CEP83: variants seen among roughly 807,000 people sequenced by gnomAD.
CEP83 encodes the protein centrosomal protein of 83 kDa.
Under a neutral mutation model 101.9 loss-of-function variants are expected in CEP83, and 70 were observed. The ratio of observed to expected loss-of-function variants is 0.69; its 90% CI spans 0.57 to 0.84. The LOEUF (loss-of-function observed/expected upper bound fraction) is 0.84. Ranked by LOEUF, CEP83 falls within the 40% of genes least tolerant of loss-of-function variation. CEP83 has a pLI of 0.00. For synonymous variants in CEP83, 264 were observed against 267.9 expected, an observed-to-expected ratio of 0.99 and a Z score of 0.14; for missense variants, 715 against 787.2, an observed-to-expected ratio of 0.91 and a Z score of 1.10.
Position 94,411,758 on chromosome 12 carries a change from A to G in CEP83, c.263T>C (p.Leu88Pro), listed in dbSNP as rs2063896707. ...TACTAATTCTCCTCTTAGTTCTTCA[A>G]GCAGGAGCTGAAGTTTTTCCTGCTG... The part of the protein sequence containing the change: ...QTQQEKLQLL[L>P]EELRGELVEK... The change falls in exon 4 of 17, where the codon CTT (leucine) becomes CCT (proline). Residue 88 changes from leucine (L) to proline (P), a missense_variant. By Grantham distance (98) the Leu-to-Pro change is moderately conservative. Transcript: ENST00000397809. The G allele has an allele frequency of 3.1e-6, 5 of 1,611,856 alleles. No homozygotes were observed. The highest frequency in any genetic ancestry group is 1.3e-5 in the African/African-American group (1 of 74,860).
At chr12:94,422,555 C>T (rs902827269) in intron 2 of CEP83, among the ~76,000 whole-genome samples, 35 of 152,256 alleles carry the variant, frequency 2.3e-4, no homozygotes, top group African/African-American at 8.2e-4. Context: ...TCAAGAAAGC[C>T]TCAATTTCAT....
chr12:94,283,660 T>G, the CEP83 span, among the ~76,000 whole-genome samples: 1 of 152,124 alleles, frequency 6.6e-6, no homozygotes, highest in Non-Finnish European at 1.5e-5. Context: ...GGAGTGCTGA[T>G]TGGTCAGGTC....
At position 94,396,671 on chromosome 12, in the gene CEP83, A is replaced by T. The variant is rs1362041185; in HGVS notation, c.549+4179T>A. On this transcript the variant is annotated intron_variant, in intron 6 of 16. Coordinates refer to ENST00000397809, the MANE Select transcript of CEP83 (RefSeq NM_016122.3). ...TTTTTAGTTTATAATATCATCAGGGACATGTGTATTCCTGGAGTCCCTCTC... is the reference window on the plus strand; with the variant it reads ...TTTTTAGTTTATAATATCATCAGGGTCATGTGTATTCCTGGAGTCCCTCTC... 4.6e-5 allele frequency among the ~76,000 whole-genome samples: 7 copies of T among 152,158 alleles called. No individual in the cohort carries two copies. The East Asian group carries it at 1.3e-3, about 29-fold the overall frequency.
In CEP83 at chr12:94,309,994, G is replaced by A. The variant is rs1174126103; in HGVS notation, c.1925C>T (p.Ala642Val). The change falls in exon 16 of 17, where the codon GCA (alanine) becomes GTA (valine). Residue 642 changes from alanine to valine, a missense_variant. Coordinates refer to ENST00000397809, the MANE Select transcript of CEP83 (RefSeq NM_016122.3). ...LILVPNMPPT[A>V]SINPVSFQSS... Reference sequence around the variant, plus strand: ...CTGAAAGCTAACAGGATTGATAGATGCTGTTGGAGGCATGTTAGGAACCAA... The same window carrying A: ...CTGAAAGCTAACAGGATTGATAGATACTGTTGGAGGCATGTTAGGAACCAA... 1.9e-6 allele frequency: 3 copies of A among 1,611,092 alleles called. No individual in the cohort carries two copies. Among genetic ancestry groups the A allele is most frequent in the Admixed American group, 1.7e-5 (1 of 59,944 alleles).
At chr12:94,397,907 T>C (rs1439900026) in intron 6 of CEP83, among the ~76,000 whole-genome samples, 1 of 152,228 alleles carries the variant, frequency 6.6e-6, no homozygotes, top group Non-Finnish European at 1.5e-5. Flanking sequence ...TTTAACAAAA[T>C]TGCAGTTGCT....
intron 1 of CEP83, among the ~76,000 whole-genome samples, chr12:94,457,013 G>A (rs1220642029): frequency 6.6e-6 from 1 of 152,100 alleles, no homozygotes; most frequent in African/African-American, 2.4e-5. Context: ...TATGTATGAG[G>A]TCATGGTGGA....
chr12:94,328,727 A>G (rs1419828717), intron 14 of CEP83, among the ~76,000 whole-genome samples: 1 of 152,222 alleles, frequency 6.6e-6, no homozygotes, highest in Admixed American at 6.5e-5. Context: ...CATATGGACC[A>G]TAGCTATATT....
At chr12:94,441,686 C>A (rs1016632248) in intron 1 of CEP83, among the ~76,000 whole-genome samples, 1 of 152,036 alleles carries the variant, frequency 6.6e-6, no homozygotes, top group Non-Finnish European at 1.5e-5. Flanking sequence ...GAGGCCGAGG[C>A]GGGTGGATCA....
downstream of CEP83, among the ~76,000 whole-genome samples, chr12:94,302,070 GTC>G (rs1303399599): frequency 6.6e-6 from 1 of 151,996 alleles, no homozygotes; most frequent in Admixed American, 6.6e-5. Flanking sequence ...CCTTTTCACT[GTC>G]TCTCAGGTAA....
chr12:94,456,382 T>C (rs2067681514), intron 1 of CEP83, among the ~76,000 whole-genome samples: 1 of 152,224 alleles, frequency 6.6e-6, no homozygotes, highest in Non-Finnish European at 1.5e-5. Context: ...TCAACAACCT[T>C]ACTTTCATGA....
intron 11 of CEP83, among the ~76,000 whole-genome samples, chr12:94,353,065 C>G (rs1019135401): frequency 6.6e-6 from 1 of 151,976 alleles, no homozygotes; most frequent in Non-Finnish European, 1.5e-5. Context: ...CATCAAAAAT[C>G]AAATCAAAGA....
At chr12:94,380,172 AG>A (rs1317230303) in intron 6 of CEP83, among the ~76,000 whole-genome samples, 1 of 152,070 alleles carries the variant, frequency 6.6e-6, no homozygotes, top group Non-Finnish European at 1.5e-5. Flanking sequence ...GTTTGATCAC[AG>A]CACTATCAAT....
the CEP83 span, among the ~76,000 whole-genome samples, chr12:94,289,174 G>A: frequency 2.0e-3 from 309 of 152,110 alleles, 1 homozygote; most frequent in Non-Finnish European, 3.5e-3. Flanking sequence ...ACCTTCACTT[G>A]CAAGTGGTTT....
At chr12:94,427,381 G>A (rs922647909) in intron 2 of CEP83, among the ~76,000 whole-genome samples, 6 of 152,224 alleles carry the variant, frequency 3.9e-5, no homozygotes, top group Non-Finnish European at 8.8e-5. Flanking sequence ...TAGTCTCAGT[G>A]AAAGGCAGTT....
At chr12:94,341,009 T>C (rs1342404913) in intron 11 of CEP83, among the ~76,000 whole-genome samples, 1 of 152,258 alleles carries the variant, frequency 6.6e-6, no homozygotes, top group Non-Finnish European at 1.5e-5. Flanking sequence ...TCCCTTTTGT[T>C]TGCTTGCATT....
At chr12:94,317,848 T>C (rs541818499) in intron 14 of CEP83, among the ~76,000 whole-genome samples, 1 of 152,302 alleles carries the variant, frequency 6.6e-6, no homozygotes, top group Admixed American at 6.5e-5. Context: ...TCAGGTAGCA[T>C]GATGACTCCA....
the CEP83 span, chr12:94,280,155 G>GT: frequency 4.2e-6 from 1 of 238,114 alleles, no homozygotes; most frequent in South Asian, 5.1e-5. Flanking sequence ...TCCTCCCTCA[G>GT]TGTGCAGCAG....
At chr12:94,368,478 G>A (rs930225392) in intron 9 of CEP83, 12 of 265,764 alleles carry the variant, frequency 4.5e-5, no homozygotes, top group African/African-American at 2.7e-4. Flanking sequence ...TTCGAACATT[G>A]AGAGTTGAGA....
chr12:94,440,887 G>A (rs1477510370), intron 1 of CEP83, among the ~76,000 whole-genome samples: 1 of 152,094 alleles, frequency 6.6e-6, no homozygotes, highest in Non-Finnish European at 1.5e-5. Context: ...AGTACTTACA[G>A]CCAACTGATA....
Sources: allele counts gnomAD v4.1 joint callset (sites outside exome capture counted in the v4.1 genomes callset), GRCh38; gene constraint gnomAD v4.1.1; transcripts MANE v1.5; gene names NCBI Gene and HGNC (gene_info 2026-07-23, HGNC 2026-07-21).